The following TMEM210 variants were observed in gnomAD, a reference collection of about 807,000 sequenced individuals.
The protein encoded by TMEM210 is transmembrane protein 210.
TMEM210 carries 7 observed loss-of-function variants against 10.3 expected under a neutral mutation model. That is an observed-to-expected ratio of 0.68 (90% CI 0.39 to 1.28). TMEM210 has a LOEUF of 1.28. Ranked by LOEUF, TMEM210 falls within the 50% of genes most tolerant of loss-of-function variation. The pLI is 0.01. For missense variants in TMEM210, 185 were observed against 197.8 expected (o/e 0.94, Z 0.39); for synonymous variants, 79 against 81.2 (o/e 0.97, Z 0.14).
rs1329881623 is a variant in TMEM210 at position 137,171,768 on chromosome 9, A to C, written c.97T>G (p.Tyr33Asp). Residue 33 changes from tyrosine (Y) to aspartate (D), a missense_variant, in exon 2 of 4, where the codon TAC (tyrosine) becomes GAC (aspartate). Transcript: ENST00000413619. ...LLLIPAAAGT[Y>D]CECSLGLSRE... ...CTGAGGCCAAGGCTGCATTCACAGT[A>C]GGTTCCAGCTGCAGAGACAGGGCCA... 1 of 1,531,240 alleles carries C rather than the reference A, an allele frequency of 6.5e-7. No individual in the cohort carries two copies. Among genetic ancestry groups the C allele is most frequent in the Admixed American group, 2.0e-5 (1 of 50,442 alleles). 94.9% of individuals were successfully genotyped at this position (1,531,240 alleles called of 1,614,324 possible).
chr9:137,171,698 C>G lies in TMEM210; in HGVS notation c.167G>C (p.Ser56Thr), dbSNP rs776994689. Reference sequence around the variant, plus strand: ...GACGAGGGCACAGAAGCAGCTGGCACTGATGCCCGCCAGCACCACAAGGAG... The same window carrying G: ...GACGAGGGCACAGAAGCAGCTGGCAGTGATGCCCGCCAGCACCACAAGGAG... ...IALLVVLAGI[S>T]ASCFCALVIV... The change falls in exon 2 of 4, where the codon AGT becomes ACT. Residue 56 changes from serine (S) to threonine (T), a missense_variant. Coordinates refer to ENST00000413619, the MANE Select transcript of TMEM210 (RefSeq NM_001282477.2). 5.9e-6 allele frequency: 9 copies of G among 1,535,454 alleles called. No homozygotes were observed. The Middle Eastern group carries it at 5.0e-4, about 85-fold the overall frequency.
chr9:137,171,887 C>T (rs1156632440), intron 1 of TMEM210, 53 bp downstream of exon 1: 1 of 1,434,314 alleles, frequency 7.0e-7, no homozygotes. Flanking sequence ...CCCACCTTGC[C>T]TGGGGAAGGG....
At position 137,170,901 on chromosome 9, in the gene TMEM210, G is replaced by T; in HGVS notation, c.*74C>A. 1.4e-6 allele frequency: 2 copies of T among 1,420,620 alleles called. No individual in the cohort carries two copies. The highest frequency in any genetic ancestry group is 1.4e-5 in the African/African-American group (1 of 69,890). The allele number at this position is 1,420,620 out of a possible 1,614,324, so 88.0% of individuals were successfully genotyped here. The stretch of plus-strand genomic sequence containing the variant: ...ATTCCCCTCCCCCAGCTGCCCTCAG[G>T]AGGGCCTGCAGGGAGGACAGTGCAC... On this transcript the variant is annotated 3_prime_UTR_variant, in exon 4 of 4. Transcript: ENST00000413619.
rs1316517214 is a variant in TMEM210, at chr9:137,171,139, C to T, written c.280G>A (p.Glu94Lys). 3.3e-6 allele frequency: 5 copies of T among 1,535,140 alleles called. No homozygotes were observed. The highest frequency in any genetic ancestry group is 4.4e-6 in the Non-Finnish European group (5 of 1,146,438). The change falls in exon 4 of 4, where the codon GAA (glutamate) becomes AAA (lysine). Residue 94 changes from glutamate to lysine, a missense_variant. By Grantham distance (56) the Glu-to-Lys change is moderately conservative. Coordinates refer to ENST00000413619, the MANE Select transcript of TMEM210 (RefSeq NM_001282477.2). ...ACCGGGTGCAGGTCCATGAGATCTT[C>T]CTGGACCCCAAAATTCTCCACCAAC... ...NRLVENFGVQ[E>K]DLMDLHPVYV...
intron 3 of TMEM210, 111 bp from the exon 4 acceptor site, chr9:137,171,275 C>T (rs1834101689): frequency 6.8e-7 from 1 of 1,478,776 alleles, no homozygotes; most frequent in East Asian, 2.5e-5. Flanking sequence ...GACAGCACAC[C>T]TCCTCTTCCA....
chr9:137,171,885 G>A, intron 1 of TMEM210, 55 bp downstream of exon 1: 1 of 1,433,512 alleles, frequency 7.0e-7, no homozygotes, highest in East Asian at 2.5e-5. Flanking sequence ...CTCCCACCTT[G>A]CCTGGGGAAG....
chr9:137,171,056 T>A lies in TMEM210; in HGVS notation c.363A>T (p.Leu121=). 6.5e-7 allele frequency: 1 copy of A among 1,535,364 alleles called. No individual in the cohort carries two copies. The highest frequency in any genetic ancestry group is 8.7e-7 in the Non-Finnish European group (1 of 1,146,528). ...GGATGGCCACAAGGCTCTGATCCTC[T>A]AGTGGTGGCACCAGGGAGACCTCCA... ...ADLEVSLVPP[L]EDQSLVAIPM... is the part of the protein sequence containing the mutation. The change falls in exon 4 of 4, where the codon CTA becomes CTT. Residue 121 remains leucine, a synonymous_variant. Coordinates refer to ENST00000413619, the MANE Select transcript of TMEM210 (RefSeq NM_001282477.2).
At chr9:137,171,393 G>A (rs569633957) in intron 3 of TMEM210, 21 bp downstream of exon 3, 23 of 1,535,368 alleles carry the variant, frequency 1.5e-5, no homozygotes, top group South Asian at 7.1e-5. Context: ...TGCCTCCCTC[G>A]AGGGCCTCCC....
At position 137,171,081 on chromosome 9, in the gene TMEM210, A is replaced by T. The variant is rs1170985633; in HGVS notation, c.338T>A (p.Leu113Gln). ...TAGTGGTGGCACCAGGGAGACCTCC[A>T]GGTCAGCGTCCATTAGCTGGGACTC... is the stretch of plus-strand genomic sequence containing the variant. ...YVESQLMDAD[L>Q]EVSLVPPLED... Residue 113 changes from leucine to glutamine, a missense_variant, in exon 4 of 4, where the codon CTG (leucine) becomes CAG (glutamine). Physicochemically the swap from Leu to Gln is moderately radical, Grantham distance 113 (BLOSUM62 -2). Coordinates refer to ENST00000413619, the MANE Select transcript of TMEM210 (RefSeq NM_001282477.2). 1 of 1,535,430 alleles carries T rather than the reference A, an allele frequency of 6.5e-7. No individual in the cohort carries two copies.
rs1310864217 is a variant in TMEM210, at chr9:137,171,714, C to A, written c.151G>T (p.Val51Leu). 3.9e-6 allele frequency: 6 copies of A among 1,535,436 alleles called. No homozygotes were observed. The highest frequency in any genetic ancestry group is 4.4e-6 in the Non-Finnish European group (5 of 1,146,602). ...SREALIALLV[V>L]LAGISASCFC... ...CAGCTGGCACTGATGCCCGCCAGCA[C>A]CACAAGGAGGGCGATGAGGGCCTCG... Residue 51 changes from valine (V) to leucine (L), a missense_variant, in exon 2 of 4, where the codon GTG (valine) becomes TTG (leucine). Val to Leu is a conservative substitution (Grantham distance 32). Coordinates refer to ENST00000413619, the MANE Select transcript of TMEM210 (RefSeq NM_001282477.2).
At chr9:137,171,571 CA>C in intron 2 of TMEM210, 69 bp downstream of exon 2, 3 of 1,529,392 alleles carry the variant, frequency 2.0e-6, no homozygotes, top group Non-Finnish European at 2.6e-6. Context: ...GCCCTTCTTG[CA>C]AGACCAAGGG....
intron 3 of TMEM210, 61 bp downstream of exon 3, chr9:137,171,353 C>A: frequency 6.5e-7 from 1 of 1,533,982 alleles, no homozygotes. Flanking sequence ...GGGATAGCTC[C>A]CCCCGCCAAG....
rs745588888 is a variant in TMEM210 at position 137,171,628 on chromosome 9, A to G, written c.224+13T>C. The G allele has an allele frequency of 1.3e-6, 2 of 1,531,378 alleles. No individual in the cohort carries two copies. The highest frequency in any genetic ancestry group is 1.4e-5 in the African/African-American group (1 of 73,084). 94.9% of individuals were successfully genotyped at this position (1,531,378 alleles called of 1,614,324 possible). The stretch of plus-strand genomic sequence containing the variant: ...CTCACTCCCATCCTCTCCCGGCCCC[A>G]GGGTTCACGCACCCCTTGGCCCGCA... On this transcript the variant is annotated intron_variant, in intron 2 of 3. Transcript: ENST00000413619.
intron 3 of TMEM210, 101 bp from the exon 4 acceptor site, chr9:137,171,265 G>T (rs1279981398): frequency 6.8e-7 from 1 of 1,476,524 alleles, no homozygotes; most frequent in African/African-American, 1.4e-5. Context: ...CCTCCCTTGG[G>T]ACAGCACACC....
chr9:137,171,346 A>T (rs1355586748), intron 3 of TMEM210, 68 bp downstream of exon 3: 3 of 1,531,116 alleles, frequency 2.0e-6, no homozygotes, highest in South Asian at 2.4e-5. Context: ...CTCCCCTGGG[A>T]TAGCTCCCCC....
intron 3 of TMEM210, 62 bp downstream of exon 3, chr9:137,171,352 C>T (rs993454318): frequency 9.8e-6 from 15 of 1,532,938 alleles, no homozygotes; most frequent in Middle Eastern, 1.8e-4. Flanking sequence ...TGGGATAGCT[C>T]CCCCCGCCAA....
rs1175221901 is a variant in TMEM210, at chr9:137,171,114, A to G, written c.305T>C (p.Val102Ala). The G allele has an allele frequency of 2.8e-5, 43 of 1,535,122 alleles. No individual in the cohort carries two copies. Among genetic ancestry groups the G allele is most frequent in the Non-Finnish European group, 3.8e-5 (43 of 1,146,504 alleles). ...GTCCATTAGCTGGGACTCCACGTAAACCGGGTGCAGGTCCATGAGATCTTC... is the reference window on the plus strand; with the variant it reads ...GTCCATTAGCTGGGACTCCACGTAAGCCGGGTGCAGGTCCATGAGATCTTC... ...VQEDLMDLHP[V>A]YVESQLMDAD... The change falls in exon 4 of 4, where the codon GTT becomes GCT. Residue 102 changes from valine (V) to alanine (A), a missense_variant. By Grantham distance (64) the Val-to-Ala change is moderately conservative (BLOSUM62 0). Transcript: ENST00000413619.
In TMEM210 at chr9:137,171,622, G is replaced by C. The variant is rs1368575238; in HGVS notation, c.224+19C>G. On this transcript the variant is annotated intron_variant, in intron 2 of 3. Coordinates refer to ENST00000413619, the MANE Select transcript of TMEM210 (RefSeq NM_001282477.2). Reference sequence around the variant, plus strand: ...CCTGGCCTCACTCCCATCCTCTCCCGGCCCCAGGGTTCACGCACCCCTTGG... The same window carrying C: ...CCTGGCCTCACTCCCATCCTCTCCCCGCCCCAGGGTTCACGCACCCCTTGG... 1 of 1,530,334 alleles carries C rather than the reference G, an allele frequency of 6.5e-7. No homozygotes were observed. Among genetic ancestry groups the C allele is most frequent in the East Asian group, 2.4e-5 (1 of 40,828 alleles). 94.8% of individuals were successfully genotyped at this position (1,530,334 alleles called of 1,614,324 possible).
chr9:137,171,323 C>T (rs1834102721), intron 3 of TMEM210, 91 bp downstream of exon 3: 1 of 1,521,014 alleles, frequency 6.6e-7, no homozygotes, highest in Admixed American at 2.0e-5. Context: ...CAGCACCCCT[C>T]CTCCTCCAGG....
Sources: gnomAD v4.1 joint callset for allele counts on GRCh38, gnomAD v4.1.1 for gene constraint, MANE v1.5 for transcripts, NCBI Gene and HGNC (gene_info 2026-07-23, HGNC 2026-07-21) for gene names.